Variants in ZFAND6 observed in about 807,000 individuals in gnomAD.
The protein encoded by ZFAND6 is zinc finger AN1-type containing 6.
A neutral mutation model predicts 24.5 loss-of-function variants in ZFAND6; 12 were observed. The ratio of observed to expected loss-of-function variants is 0.49; its 90% CI spans 0.31 to 0.79. The LOEUF is 0.79. Ranked by LOEUF, ZFAND6 falls within the 30% of genes least tolerant of loss-of-function variation. ZFAND6 has a pLI of 0.04. For missense variants in ZFAND6, 207 were observed against 245.9 expected, an observed-to-expected ratio of 0.84 and a Z score of 1.06; for synonymous variants, 92 against 81.5, an observed-to-expected ratio of 1.13 and a Z score of -0.69.
At chr15:80,074,157 C>T (rs751375851) in intron 1 of ZFAND6, among the ~76,000 whole-genome samples, 1 of 151,840 alleles carries the variant, frequency 6.6e-6, no homozygotes, top group Admixed American at 6.6e-5. Flanking sequence ...TAGTTTTTGC[C>T]TAAAAGCCTA....
chr15:80,090,446 T>C (rs979008230), intron 1 of ZFAND6, among the ~76,000 whole-genome samples: 4 of 152,198 alleles, frequency 2.6e-5, no homozygotes, highest in African/African-American at 4.8e-5. Context: ...TCTAAATAGT[T>C]ACTACTACCT....
chr15:80,103,951 C>T (rs567431819), intron 2 of ZFAND6, among the ~76,000 whole-genome samples: 78 of 152,066 alleles, frequency 5.1e-4, no homozygotes, highest in Non-Finnish European at 9.9e-4. Flanking sequence ...TAGGCTCAGA[C>T]GGTTCTCCCA....
At chr15:80,118,860 C>T (rs1487606252) in intron 2 of ZFAND6, among the ~76,000 whole-genome samples, 2 of 152,100 alleles carry the variant, frequency 1.3e-5, no homozygotes, top group Non-Finnish European at 2.9e-5. Flanking sequence ...CACTACCCAT[C>T]AACAGTCTTC....
At chr15:80,104,197 T>C (rs1596271265) in intron 2 of ZFAND6, among the ~76,000 whole-genome samples, 1 of 152,132 alleles carries the variant, frequency 6.6e-6, no homozygotes, top group East Asian at 1.9e-4. Flanking sequence ...TAACTGAAGG[T>C]GGCCATGAGA....
At chr15:80,109,991 G>A (rs1049879402) in intron 2 of ZFAND6, among the ~76,000 whole-genome samples, 29 of 152,348 alleles carry the variant, frequency 1.9e-4, no homozygotes, top group African/African-American at 6.7e-4. Flanking sequence ...CAGGGCTAGA[G>A]AAGATCGGCT....
intron 5 of ZFAND6, among the ~76,000 whole-genome samples, chr15:80,124,906 T>G (rs926936089): frequency 5.9e-5 from 9 of 152,194 alleles, no homozygotes; most frequent in Non-Finnish European, 1.2e-4. Context: ...AAATTTAACA[T>G]ATTATTGAAT....
chr15:80,092,723 G>A (rs1157265105), intron 1 of ZFAND6, among the ~76,000 whole-genome samples: 1 of 152,076 alleles, frequency 6.6e-6, no homozygotes, highest in African/African-American at 2.4e-5. Flanking sequence ...TGGCAACATT[G>A]ACACACTATA....
At chr15:80,100,425 G>T (rs1011976741) in intron 2 of ZFAND6, among the ~76,000 whole-genome samples, 1 of 152,170 alleles carries the variant, frequency 6.6e-6, no homozygotes, top group Non-Finnish European at 1.5e-5. Flanking sequence ...TTTTATCACT[G>T]TAGAGGGTTT....
chr15:80,084,099 T>C (rs1360551352), intron 1 of ZFAND6, among the ~76,000 whole-genome samples: 2 of 152,192 alleles, frequency 1.3e-5, no homozygotes, highest in African/African-American at 4.8e-5. Context: ...CCAGGCCTTG[T>C]CTCAGTATTA....
chr15:80,068,128 G>GTT (rs60285625), intron 1 of ZFAND6, among the ~76,000 whole-genome samples: 32 of 146,754 alleles, frequency 2.2e-4, no homozygotes, highest in African/African-American at 6.6e-4. Context: ...CGCCTGGCCT[G>GTT]TTTTTTTTTT....
rs548718741 is a variant in ZFAND6, at chr15:80,098,141, A to T, written c.-180-275A>T. 3.8e-4 allele frequency among the ~76,000 whole-genome samples: 58 copies of T among 152,320 alleles called. 1 individual carries two copies. Among genetic ancestry groups the T allele is most frequent in the African/African-American group, 1.3e-3 (55 of 41,576 alleles). On this transcript the variant is annotated intron_variant, in intron 1 of 6. Transcript: ENST00000261749. ...AGCTAGACTTAAGGAAAACAGAAAA[A>T]TACCTACTTTTGCTTACTTTGGATA...
At chr15:80,072,258 G>A (rs774769038) in intron 1 of ZFAND6, among the ~76,000 whole-genome samples, 1 of 152,008 alleles carries the variant, frequency 6.6e-6, no homozygotes, top group Non-Finnish European at 1.5e-5. Context: ...TAGATTAAAA[G>A]CATTGTATTT....
chr15:80,119,954 TATAAC>T (rs1596303507), intron 2 of ZFAND6, among the ~76,000 whole-genome samples: 4 of 152,338 alleles, frequency 2.6e-5, no homozygotes, highest in South Asian at 4.1e-4. Flanking sequence ...TATTAGATAA[TATAAC>T]ATACATCAAA....
chr15:80,066,581 G>A (rs931127683), intron 1 of ZFAND6, among the ~76,000 whole-genome samples: 11 of 152,026 alleles, frequency 7.2e-5, no homozygotes, highest in Non-Finnish European at 1.5e-4. Flanking sequence ...CCAAAGTGCT[G>A]GGATTACAGG....
chr15:80,088,225 C>G (rs959083047), intron 1 of ZFAND6, among the ~76,000 whole-genome samples: 4 of 151,950 alleles, frequency 2.6e-5, no homozygotes, highest in African/African-American at 9.7e-5. Flanking sequence ...CTTTTTGATC[C>G]TAACCCTCTA....
intron 2 of ZFAND6, among the ~76,000 whole-genome samples, chr15:80,115,338 T>C (rs938956542): frequency 6.6e-6 from 1 of 152,238 alleles, no homozygotes; most frequent in Admixed American, 6.5e-5. Context: ...GGCTTTTGTT[T>C]ATTATACCAT....
chr15:80,137,019 A>G (rs2142074022), intron 6 of ZFAND6, among the ~76,000 whole-genome samples: 1 of 152,338 alleles, frequency 6.6e-6, no homozygotes, highest in East Asian at 1.9e-4. Flanking sequence ...ACTGCAGTAC[A>G]GTTCACATCT....
chr15:80,131,125 G>C, intron 5 of ZFAND6, 55 bp from the exon 6 acceptor site: 1 of 1,390,214 alleles, frequency 7.2e-7, no homozygotes, highest in Non-Finnish European at 9.8e-7. Context: ...GTGGGATGAG[G>C]AATAGCAAAA....
At chr15:80,118,502 A>G (rs1404034596) in intron 2 of ZFAND6, among the ~76,000 whole-genome samples, 2 of 152,206 alleles carry the variant, frequency 1.3e-5, no homozygotes, top group Non-Finnish European at 2.9e-5. Context: ...AAAAACCCCA[A>G]AATATTTGAC....
Sources: allele counts gnomAD v4.1 joint callset (sites outside exome capture counted in the v4.1 genomes callset), GRCh38; gene constraint gnomAD v4.1.1; transcripts MANE v1.5; gene names NCBI Gene and HGNC (gene_info 2026-07-23, HGNC 2026-07-21).